Variants in GPC1 observed in about 807,000 individuals in gnomAD.
GPC1 encodes glypican 1, also known as glypican-1.
A neutral mutation model predicts 51.5 loss-of-function variants in GPC1; 26 were observed. That is an observed-to-expected ratio of 0.50 (90% CI 0.37 to 0.70). The LOEUF (loss-of-function observed/expected upper bound fraction) is 0.70. Among genes scored for constraint, GPC1 ranks in the 30% least tolerant of loss-of-function variants. The probability of loss-of-function intolerance (pLI) is 0.00; values close to 1 mark genes in which losing one functional copy is unlikely to be tolerated. For synonymous variants in GPC1, 380 were observed against 348.3 expected (o/e 1.09, Z -1.01); for missense variants, 775 against 800.5 (o/e 0.97, Z 0.38).
intron 1 of GPC1, among the ~76,000 whole-genome samples, chr2:240,436,795 G>T (rs529677444): frequency 6.6e-6 from 1 of 152,372 alleles, no homozygotes; most frequent in African/African-American, 2.4e-5. Context: ...CTCGTGCCGC[G>T]AGTCCAGCTG....
At chr2:240,440,070 G>A (rs891909884) in intron 1 of GPC1, among the ~76,000 whole-genome samples, 7 of 152,178 alleles carry the variant, frequency 4.6e-5, no homozygotes, top group Non-Finnish European at 1.0e-4. Context: ...GGGAATAATC[G>A]TGACCTCCTG....
intron 1 of GPC1, among the ~76,000 whole-genome samples, chr2:240,457,270 C>G (rs1295340363): frequency 6.6e-6 from 1 of 152,200 alleles, no homozygotes; most frequent in Non-Finnish European, 1.5e-5. Flanking sequence ...CTCCCTCGCT[C>G]TCCCAGGCCC....
chr2:240,436,180 A>G, intron 1 of GPC1, 96 bp downstream of exon 1: 5 of 865,012 alleles, frequency 5.8e-6, no homozygotes, highest in Non-Finnish European at 7.6e-6. Context: ...CCGGCGCGGG[A>G]TCCTGCCGCC....
chr2:240,442,152 C>A (rs1559193893), intron 1 of GPC1, among the ~76,000 whole-genome samples: 1 of 152,212 alleles, frequency 6.6e-6, no homozygotes, highest in Non-Finnish European at 1.5e-5. Context: ...TGCCCACCCA[C>A]AGCACCCGCC....
At chr2:240,460,707 GA>G (rs1379463787) in intron 2 of GPC1, among the ~76,000 whole-genome samples, 1 of 152,156 alleles carries the variant, frequency 6.6e-6, no homozygotes, top group Non-Finnish European at 1.5e-5. Context: ...TGAAAACACA[GA>G]CACCCTTTGG....
At chr2:240,462,144 A>G (rs1337279958) in intron 2 of GPC1, 47 bp from the exon 3 acceptor site, 1 of 1,499,928 alleles carries the variant, frequency 6.7e-7, no homozygotes, top group East Asian at 2.4e-5. Context: ...TCCAGCTGCC[A>G]CGGCGGGGGA....
intron 1 of GPC1, chr2:240,442,568 C>G (rs556666388): frequency 6.6e-6 from 1 of 152,350 alleles, no homozygotes; most frequent in Non-Finnish European, 1.5e-5. Context: ...CTCCGAATTC[C>G]CCCTCTTCAC....
intron 1 of GPC1, among the ~76,000 whole-genome samples, chr2:240,440,234 GGGT>G (rs2074009411): frequency 6.6e-6 from 1 of 152,190 alleles, no homozygotes; most frequent in Admixed American, 6.5e-5. Flanking sequence ...TCATGAACCC[GGGT>G]GCTCTTAGAA....
intron 1 of GPC1, chr2:240,452,781 C>G (rs955812578): frequency 6.7e-6 from 1 of 149,064 alleles, no homozygotes; most frequent in Admixed American, 6.7e-5. Context: ...ACGCTCGTCC[C>G]CGCGCCGGGA....
At chr2:240,464,435 G>A in intron 4 of GPC1, 181 bp from the exon 5 acceptor site, 1 of 693,962 alleles carries the variant, frequency 1.4e-6, no homozygotes, top group Non-Finnish European at 2.5e-6. Flanking sequence ...GGGCCAAGCT[G>A]AGTGCACGTG....
intron 7 of GPC1, 59 bp from the exon 8 acceptor site, chr2:240,465,414 G>T (rs1050168603): frequency 6.5e-7 from 1 of 1,532,806 alleles, no homozygotes; most frequent in African/African-American, 1.4e-5. Context: ...TCCTGCTCAG[G>T]TGATGGCCCT....
At chr2:240,459,984 A>G (rs2151795585) in intron 2 of GPC1, among the ~76,000 whole-genome samples, 1 of 152,082 alleles carries the variant, frequency 6.6e-6, no homozygotes. Flanking sequence ...GGAGGGAGGG[A>G]GCGCTGAGGC....
chr2:240,462,579 T>C lies in GPC1; in HGVS notation c.714T>C (p.Ala238=), dbSNP rs2074226397. The part of the protein sequence containing the change: ...GVASDVVRKV[A]QVPLGPECSR... Reference sequence around the variant, plus strand: ...CCAGCGACGTGGTCCGGAAAGTGGCTCAGGTGCGCACAGCCACCCAGGGCT... The same window carrying C: ...CCAGCGACGTGGTCCGGAAAGTGGCCCAGGTGCGCACAGCCACCCAGGGCT... The change falls in exon 3 of 9, where the codon GCT becomes GCC. Residue 238 remains alanine, a synonymous_variant. Coordinates refer to ENST00000264039, the MANE Select transcript of GPC1 (RefSeq NM_002081.3). 2 of 1,520,310 alleles carry C rather than the reference T, an allele frequency of 1.3e-6. No individual in the cohort carries two copies. Among genetic ancestry groups the C allele is most frequent in the Non-Finnish European group, 1.8e-6 (2 of 1,138,088 alleles). 94.2% of individuals were successfully genotyped at this position (1,520,310 alleles called of 1,614,324 possible). A position where few individuals can be genotyped will look rare whatever the true frequency, so the allele number is the denominator to read the frequency against.
chr2:240,462,412 C>T lies in GPC1; in HGVS notation c.547C>T (p.Leu183=). 2 of 1,602,714 alleles carry T rather than the reference C, an allele frequency of 1.2e-6. No individual in the cohort carries two copies. Among genetic ancestry groups the T allele is most frequent in the African/African-American group, 1.3e-5 (1 of 74,810 alleles). Residue 183 remains leucine (L), a synonymous_variant, in exon 3 of 9, where the codon CTG becomes TTG. Transcript: ENST00000264039. ...RLFKQLHPQL[L]LPDDYLDCLG... is the part of the protein sequence containing the mutation. ...CTTCAAGCAGCTGCACCCCCAGCTG[C>T]TGCTGCCTGATGACTACCTGGACTG...
chr2:240,466,110 C>T lies in GPC1; in HGVS notation c.1497C>T (p.Cys499=), dbSNP rs566487000. ...GTGATGGCTGTCTGGATGACCTCTG[C>T]AGCCGGAAGGTCAGCAGGAAGAGCT... is the stretch of plus-strand genomic sequence containing the variant. The part of the protein sequence containing the change: ...GSGDGCLDDL[C]SRKVSRKSSS... Residue 499 remains cysteine (C), a synonymous_variant, in exon 9 of 9, where the codon TGC becomes TGT. Transcript: ENST00000264039. 55 of 1,612,714 alleles carry T rather than the reference C, an allele frequency of 3.4e-5. No homozygotes were observed. The Middle Eastern group carries it at 6.6e-4, about 19-fold the overall frequency.
intron 1 of GPC1, among the ~76,000 whole-genome samples, chr2:240,453,916 G>T (rs753425491): frequency 6.6e-6 from 1 of 152,318 alleles, no homozygotes; most frequent in East Asian, 1.9e-4. Flanking sequence ...GGTGACAGGA[G>T]CCTTAGCCGG....
At chr2:240,447,797 C>G (rs1473121559) in intron 1 of GPC1, among the ~76,000 whole-genome samples, 1 of 152,120 alleles carries the variant, frequency 6.6e-6, no homozygotes, top group Non-Finnish European at 1.5e-5. Context: ...TTCTCTAAGT[C>G]CCATCTTCCA....
chr2:240,462,409 C>A lies in GPC1; in HGVS notation c.544C>A (p.Leu182Met). ...ERLFKQLHPQ[L>M]LLPDDYLDCL... ...CCTCTTCAAGCAGCTGCACCCCCAG[C>A]TGCTGCTGCCTGATGACTACCTGGA... Residue 182 changes from leucine to methionine, a missense_variant, in exon 3 of 9, where the codon CTG (leucine) becomes ATG (methionine). Leu to Met is a conservative substitution (Grantham distance 15). Coordinates refer to ENST00000264039, the MANE Select transcript of GPC1 (RefSeq NM_002081.3). 6.2e-7 allele frequency: 1 copy of A among 1,601,472 alleles called. No homozygotes were observed. Among genetic ancestry groups the A allele is most frequent in the Admixed American group, 1.7e-5 (1 of 58,566 alleles).
intron 1 of GPC1, chr2:240,456,856 T>G (rs1330903572): frequency 9.8e-6 from 3 of 305,644 alleles, no homozygotes; most frequent in South Asian, 5.4e-5. Flanking sequence ...TGTCCCAGTC[T>G]TCTTGCCTGA....
Sources: gnomAD v4.1 joint callset for allele counts (sites outside exome capture counted in the v4.1 genomes callset) on GRCh38, gnomAD v4.1.1 for gene constraint, MANE v1.5 for transcripts, NCBI Gene and HGNC (gene_info 2026-07-23, HGNC 2026-07-21) for gene names.